Variants in CCT8 observed in about 807,000 individuals in gnomAD.
The protein encoded by CCT8 is chaperonin containing TCP1 subunit 8, also known as T-complex protein 1 subunit theta.
Under a neutral mutation model 65.7 loss-of-function variants are expected in CCT8, and 10 were observed. The ratio of observed to expected loss-of-function variants is 0.15; its 90% CI spans 0.09 to 0.26. The LOEUF (loss-of-function observed/expected upper bound fraction) is 0.26, where lower values mean the gene tolerates loss of function less well. Among genes scored for constraint, CCT8 ranks in the 10% least tolerant of loss-of-function variants. CCT8 has a pLI of 1.00. For missense variants in CCT8, 568 were observed against 669.1 expected (o/e 0.85, Z 1.67); for synonymous variants, 199 against 221.8 (o/e 0.90, Z 0.92).
Position 29,062,831 on chromosome 21 carries a change from GT to G in CCT8, c.942-276del, listed in dbSNP as rs569448660. On this transcript the variant is annotated intron_variant, in intron 8 of 14. Coordinates refer to ENST00000286788, the MANE Select transcript of CCT8 (RefSeq NM_006585.4). The stretch of plus-strand genomic sequence containing the variant: ...GGGAGAATGGAAGTCACTTTAGGAT[GT>G]CAGTGGTTTATAGTTCTAAAACACC... 2.1e-4 allele frequency: 100 copies of G among 473,800 alleles called. 1 individual carries two copies. The highest frequency in any genetic ancestry group is 1.8e-3 in the African/African-American group (91 of 50,962). 29.3% of individuals were successfully genotyped at this position (473,800 alleles called of 1,614,324 possible).
In CCT8 at chr21:29,056,439, A is replaced by C. The variant is rs749862733; in HGVS notation, c.*36T>G. 2 of 1,204,330 alleles carry C rather than the reference A, an allele frequency of 1.7e-6. No homozygotes were observed. Among genetic ancestry groups the C allele is most frequent in the African/African-American group, 3.1e-5 (2 of 64,990 alleles). The allele number at this position is 1,204,330 out of a possible 1,614,324, so 74.6% of individuals were successfully genotyped here. A position where few individuals can be genotyped will look rare whatever the true frequency, so the allele number is the denominator to read the frequency against. Reference sequence around the variant, plus strand: ...AGGTGATTCTTGAGTACTACTACAAATACAGCCTTCACCTACAGTAAAAAT... The same window carrying C: ...AGGTGATTCTTGAGTACTACTACAACTACAGCCTTCACCTACAGTAAAAAT... On this transcript the variant is annotated 3_prime_UTR_variant, in exon 15 of 15. Transcript: ENST00000286788.
chr21:29,073,387 C>T (rs2085705557), intron 1 of CCT8, 144 bp downstream of exon 1: 26 of 1,474,650 alleles, frequency 1.8e-5, no homozygotes, highest in Non-Finnish European at 2.2e-5. Flanking sequence ...CTTCCAAAAT[C>T]ACCTCCCTTT....
In CCT8 at chr21:29,061,351, C is replaced by T. The variant is rs892474753; in HGVS notation, c.1351G>A (p.Ala451Thr). 21 of 1,613,802 alleles carry T rather than the reference C, an allele frequency of 1.3e-5. No homozygotes were observed. Among genetic ancestry groups the T allele is most frequent in the African/African-American group, 8.0e-5 (6 of 74,878 alleles). ...TTAACTCCAGAGTTTTCTGCCAGTG[C>T]GCGGGGAATAGCTTCAAATGCCTCA... ...FAEAFEAIPR[A>T]LAENSGVKAN... Residue 451 changes from alanine to threonine, a missense_variant, in exon 13 of 15, where the codon GCA becomes ACA. Transcript: ENST00000286788.
intron 14 of CCT8, chr21:29,059,343 G>A (rs2085537947): frequency 6.6e-6 from 1 of 152,138 alleles, no homozygotes; most frequent in African/African-American, 2.4e-5. Context: ...TGCAAAGACT[G>A]GGGGAACAGA....
intron 13 of CCT8, among the ~76,000 whole-genome samples, chr21:29,060,930 G>A (rs965650764): frequency 6.6e-6 from 1 of 152,124 alleles, no homozygotes; most frequent in Non-Finnish European, 1.5e-5. Flanking sequence ...ATCGTCTCCA[G>A]ATTAATTATA....
intron 14 of CCT8, chr21:29,059,821 A>G (rs1181576189): frequency 6.6e-6 from 1 of 152,194 alleles, no homozygotes; most frequent in African/African-American, 2.4e-5. Flanking sequence ...TGTACTTAAA[A>G]GCTGAAATGT....
intron 13 of CCT8, 103 bp downstream of exon 13, chr21:29,061,150 A>G (rs2085558509): frequency 1.0e-6 from 1 of 955,340 alleles, no homozygotes; most frequent in Non-Finnish European, 1.6e-6. Context: ...CTGCTCCCAA[A>G]TCAGAACACT....
rs756733846 is a variant in CCT8, at chr21:29,065,111, G to A, written c.625-6C>T. On this transcript the variant is annotated splice_region_variant and splice_polypyrimidine_tract_variant and intron_variant, in intron 6 of 14. Coordinates refer to ENST00000286788, the MANE Select transcript of CCT8 (RefSeq NM_006585.4). ...GAGGAACTGATACCAGAGCCCTAAG[G>A]AATTGAATACCAAACTCATCAGCAA... The A allele has an allele frequency of 6.2e-7, 1 of 1,613,186 alleles. No homozygotes were observed. Among genetic ancestry groups the A allele is most frequent in the Non-Finnish European group, 8.5e-7 (1 of 1,179,596 alleles).
chr21:29,067,494 T>G (rs560359948), intron 4 of CCT8, 62 bp downstream of exon 4: 14 of 1,306,408 alleles, frequency 1.1e-5, no homozygotes, highest in African/African-American at 1.5e-5. Context: ...TTAGTTTATG[T>G]TTTAAGCAGG....
intron 1 of CCT8, among the ~76,000 whole-genome samples, chr21:29,070,891 T>C (rs1406508605): frequency 6.6e-6 from 1 of 152,256 alleles, no homozygotes; most frequent in Non-Finnish European, 1.5e-5. Flanking sequence ...TCTGGGCTTT[T>C]GTAAAGCCAG....
rs963415667 is a variant in CCT8 at position 29,064,176 on chromosome 21, G to C, written c.763-646C>G. ...GTGGTTCTCAAACTTTTTCTAAAAT[G>C]TGGACTAGGCCGGGCGCGGTGGCTC... On this transcript the variant is annotated intron_variant, in intron 7 of 14. Transcript: ENST00000286788. Among the ~76,000 whole-genome samples the C allele has an allele frequency of 4.6e-5, 7 of 151,946 alleles. No individual in the cohort carries two copies. The South Asian group carries it at 1.5e-3, about 32-fold the overall frequency.
Position 29,066,737 on chromosome 21 carries a change from G to A in CCT8, c.603C>T (p.Asn201=). Residue 201 remains asparagine (N), a synonymous_variant, in exon 6 of 15, where the codon AAC becomes AAT. Coordinates refer to ENST00000286788, the MANE Select transcript of CCT8 (RefSeq NM_006585.4). Reference sequence around the variant, plus strand: ...TTACCAGAATTTTACAAACTCTGATGTTATCAACATTGAAATGGCCGGAAT... The same window carrying A: ...TTACCAGAATTTTACAAACTCTGATATTATCAACATTGAAATGGCCGGAAT... ...FPDSGHFNVD[N]IRVCKILGSG... is the part of the protein sequence containing the mutation. 1 of 1,607,406 alleles carries A rather than the reference G, an allele frequency of 6.2e-7. No individual in the cohort carries two copies. The highest frequency in any genetic ancestry group is 8.5e-7 in the Non-Finnish European group (1 of 1,176,306).
chr21:29,072,583 G>A (rs1287248322), intron 1 of CCT8, among the ~76,000 whole-genome samples: 1 of 152,014 alleles, frequency 6.6e-6, no homozygotes, highest in Non-Finnish European at 1.5e-5. Flanking sequence ...TTACTATACC[G>A]ACATTATTTG....
intron 7 of CCT8, among the ~76,000 whole-genome samples, chr21:29,063,915 C>T (rs1370228151): frequency 2.0e-5 from 3 of 151,984 alleles, no homozygotes; most frequent in African/African-American, 4.8e-5. Flanking sequence ...TACAGGCAAG[C>T]GCCACCACGC....
intron 6 of CCT8, 62 bp from the exon 7 acceptor site, chr21:29,065,167 T>G: frequency 1.9e-6 from 3 of 1,544,880 alleles, no homozygotes; most frequent in Non-Finnish European, 2.7e-6. Context: ...GGTCAAACTG[T>G]TGATTCTCCA....
intron 14 of CCT8, among the ~76,000 whole-genome samples, chr21:29,057,802 ATATG>A (rs562221318): frequency 1.9e-4 from 25 of 135,124 alleles, no homozygotes; most frequent in African/African-American, 6.8e-4. Context: ...TGATATATAC[ATATG>A]TATGATATAT....
chr21:29,061,551 G>A lies in CCT8; in HGVS notation c.1229C>T (p.Pro410Leu). ...KVLTRDKRLV[P>L]GGGATEIELA... ...TTCAATTTCTGTTGCTCCACCTCCG[G>A]GTACAAGACGTTTATCCTGTATGTA... The change falls in exon 12 of 15, where the codon CCC becomes CTC. Residue 410 changes from proline (P) to leucine (L), a missense_variant. Transcript: ENST00000286788. 6.2e-7 allele frequency: 1 copy of A among 1,613,620 alleles called. No homozygotes were observed. Among genetic ancestry groups the A allele is most frequent in the Non-Finnish European group, 8.5e-7 (1 of 1,179,806 alleles).
chr21:29,062,089 C>G, intron 11 of CCT8, 39 bp downstream of exon 11: 2 of 1,350,646 alleles, frequency 1.5e-6, no homozygotes, highest in South Asian at 2.3e-5. Context: ...ACAAATTACT[C>G]AGACCTTACA....
rs1159980479 is a variant in CCT8, at chr21:29,067,030, C to G, written c.423G>C (p.Glu141Asp). The change falls in exon 5 of 15, where the codon GAG becomes GAC. Residue 141 changes from glutamate (E) to aspartate (D), a missense_variant. Coordinates refer to ENST00000286788, the MANE Select transcript of CCT8 (RefSeq NM_006585.4). ...GYEIACRKAH[E>D]ILPNLVCCSA... ...AACAACATACCAAATTAGGAAGAAT[C>G]TCATGAGCTTTTCTGCAGGCTATTT... The G allele has an allele frequency of 1.9e-6, 3 of 1,612,974 alleles. No individual in the cohort carries two copies. In the South Asian group the frequency reaches 3.3e-5, roughly 18 times the overall value.
Sources: gnomAD v4.1 joint callset for allele counts (sites outside exome capture counted in the v4.1 genomes callset) on GRCh38, gnomAD v4.1.1 for gene constraint, MANE v1.5 for transcripts, NCBI Gene and HGNC (gene_info 2026-07-23, HGNC 2026-07-21) for gene names.